The following MBD5 variants were observed in gnomAD, a reference collection of about 807,000 sequenced individuals.
MBD5 encodes methyl-CpG-binding domain protein 5.
MBD5 carries 13 observed loss-of-function variants against 117.3 expected under a neutral mutation model. The ratio of observed to expected loss-of-function variants is 0.11; its 90% confidence interval spans 0.07 to 0.18. The LOEUF is 0.18. Among genes scored for constraint, MBD5 ranks in the 10% least tolerant of loss-of-function variants. MBD5 has a pLI of 1.00. For synonymous variants in MBD5, 727 were observed against 766.4 expected (o/e 0.95, Z 0.85); for missense variants, 1,879 against 2,093.8 (o/e 0.90, Z 2.00).
chr2:148,420,376 T>TC (rs1705564250), intron 4 of MBD5, among the ~76,000 whole-genome samples: 1 of 152,182 alleles, frequency 6.6e-6, no homozygotes, highest in South Asian at 2.1e-4. Flanking sequence ...CTGTCTTTTG[T>TC]CCCCCAACTT....
intron 1 of MBD5, among the ~76,000 whole-genome samples, chr2:148,029,493 G>A (rs1693980525): frequency 6.6e-6 from 1 of 152,140 alleles, no homozygotes; most frequent in Non-Finnish European, 1.5e-5. Flanking sequence ...AAGGAGTCTA[G>A]TCCCACATAA....
At chr2:148,228,159 T>C (rs1266609817) in intron 2 of MBD5, among the ~76,000 whole-genome samples, 3 of 151,952 alleles carry the variant, frequency 2.0e-5, no homozygotes, top group Non-Finnish European at 4.4e-5. Flanking sequence ...TGAATAGGAG[T>C]GGTGAGAGAG....
intron 3 of MBD5, among the ~76,000 whole-genome samples, chr2:148,259,201 G>T (rs145318845): frequency 5.9e-5 from 9 of 152,272 alleles, no homozygotes; most frequent in Non-Finnish European, 1.3e-4. Context: ...CTCAATCAGG[G>T]TGTGGTCACC....
chr2:148,197,419 C>CA (rs1327983445), intron 2 of MBD5, among the ~76,000 whole-genome samples: 1 of 151,804 alleles, frequency 6.6e-6, no homozygotes, highest in Non-Finnish European at 1.5e-5. Context: ...TTAATTAGGA[C>CA]AAAAAAAGGT....
intron 4 of MBD5, among the ~76,000 whole-genome samples, chr2:148,386,061 G>A (rs1177827079): frequency 1.3e-5 from 2 of 151,568 alleles, no homozygotes; most frequent in African/African-American, 2.4e-5. Context: ...GTATACATAT[G>A]TAACAAACCT....
At position 148,260,390 on chromosome 2, in the gene MBD5, T is replaced by G. The variant is rs1484644772; in HGVS notation, c.-680+26995T>G. ...GACATTGCAGCAATTCAGTCACATC[T>G]GCAGTCTCCACTTCTAATTAGAGAT... On this transcript the variant is annotated intron_variant, in intron 3 of 13. Coordinates refer to ENST00000642680, the MANE Select transcript of MBD5 (RefSeq NM_001378120.1). 7.2e-5 allele frequency among the ~76,000 whole-genome samples: 11 copies of G among 152,362 alleles called. No individual in the cohort carries two copies. The South Asian group carries it at 2.3e-3, about 32-fold the overall frequency.
intron 3 of MBD5, among the ~76,000 whole-genome samples, chr2:148,248,576 A>G (rs925194688): frequency 2.0e-5 from 3 of 152,122 alleles, no homozygotes; most frequent in Non-Finnish European, 4.4e-5. Flanking sequence ...AGTGTCAGAA[A>G]CTATATTCCA....
intron 3 of MBD5, among the ~76,000 whole-genome samples, chr2:148,283,461 A>G (rs562756648): frequency 6.6e-6 from 1 of 152,204 alleles, no homozygotes; most frequent in South Asian, 2.1e-4. Context: ...TCTTTCAGTC[A>G]CAGCATACAA....
chr2:148,256,017 C>T (rs574948920), intron 3 of MBD5, among the ~76,000 whole-genome samples: 2 of 152,360 alleles, frequency 1.3e-5, no homozygotes, highest in East Asian at 3.9e-4. Flanking sequence ...AGGTGAACAA[C>T]AGGCCTGTGG....
Position 148,489,793 on chromosome 2 carries a change from T to C in MBD5, c.4161T>C (p.His1387=), listed in dbSNP as rs748321288. 1.4e-5 allele frequency: 23 copies of C among 1,614,044 alleles called. No homozygotes were observed. In the South Asian group the frequency reaches 2.3e-4, roughly 16 times the overall value. The change falls in exon 11 of 14, where the codon CAT becomes CAC. Residue 1387 remains histidine (H), a synonymous_variant. Coordinates refer to ENST00000642680, the MANE Select transcript of MBD5 (RefSeq NM_001378120.1). ...GACGGAACATGGGAGGTGTTGATCATGATGGTAGGCTGAGGAATTCAAGAG... is the reference window on the plus strand; with the variant it reads ...GACGGAACATGGGAGGTGTTGATCACGATGGTAGGCTGAGGAATTCAAGAG... ...IHGRNMGGVD[H]DGRLRNSRGA... is the part of the protein sequence containing the mutation.
chr2:148,152,758 C>G (rs1453142622), intron 1 of MBD5, among the ~76,000 whole-genome samples: 1 of 150,768 alleles, frequency 6.6e-6, no homozygotes, highest in African/African-American at 2.4e-5. Context: ...ACTAGGATTG[C>G]AACCCCTGCC....
intron 1 of MBD5, chr2:148,041,143 C>T (rs1694347802): frequency 6.6e-6 from 1 of 152,122 alleles, no homozygotes; most frequent in Non-Finnish European, 1.5e-5. Context: ...CAGCCAGTAT[C>T]GAGAATTACT....
intron 1 of MBD5, among the ~76,000 whole-genome samples, chr2:148,047,314 A>T (rs1424101054): frequency 6.6e-6 from 1 of 152,238 alleles, no homozygotes; most frequent in Non-Finnish European, 1.5e-5. Flanking sequence ...GCCATAACTA[A>T]GACCATGACC....
intron 1 of MBD5, among the ~76,000 whole-genome samples, chr2:148,143,849 T>C (rs1035251115): frequency 6.6e-6 from 1 of 152,082 alleles, no homozygotes; most frequent in African/African-American, 2.4e-5. Flanking sequence ...ATCCAGTCTA[T>C]CATTGATGGA....
In MBD5 at chr2:148,515,044, G is replaced by A. The variant is rs1363981667; in HGVS notation, c.*2103G>A. The A allele has an allele frequency of 6.6e-6, 1 of 152,180 alleles. No homozygotes were observed. Among genetic ancestry groups the A allele is most frequent in the Non-Finnish European group, 1.5e-5 (1 of 68,034 alleles). The allele number at this position is 152,180 out of a possible 1,614,324, so 9.4% of individuals were successfully genotyped here. A position where few individuals can be genotyped will look rare whatever the true frequency, so the allele number is the denominator to read the frequency against. On this transcript the variant is annotated 3_prime_UTR_variant, in exon 14 of 14. Coordinates refer to ENST00000642680, the MANE Select transcript of MBD5 (RefSeq NM_001378120.1). ...GTTGACACATGTTTATAAGTTAAAA[G>A]TTGATGTGGCTAGTATGTTTAAACC...
chr2:148,165,399 A>C (rs1371994449), intron 1 of MBD5, among the ~76,000 whole-genome samples: 2 of 152,072 alleles, frequency 1.3e-5, no homozygotes, highest in Non-Finnish European at 2.9e-5. Context: ...AATTTCTCCA[A>C]TTTAACCCAA....
intron 1 of MBD5, among the ~76,000 whole-genome samples, chr2:148,114,245 C>T (rs544355220): frequency 9.7e-4 from 147 of 152,146 alleles, no homozygotes; most frequent in Middle Eastern, 3.4e-3. Context: ...CCAAGGCAGG[C>T]GGGATCACAA....
chr2:148,114,176 G>C (rs1696565949), intron 1 of MBD5, among the ~76,000 whole-genome samples: 1 of 152,114 alleles, frequency 6.6e-6, no homozygotes, highest in Non-Finnish European at 1.5e-5. Context: ...GCTAGGTAAA[G>C]AGTATTCCCA....
intron 1 of MBD5, among the ~76,000 whole-genome samples, chr2:148,143,332 A>G (rs1416640809): frequency 6.6e-6 from 1 of 152,214 alleles, no homozygotes; most frequent in Non-Finnish European, 1.5e-5. Context: ...GAGAAAAAAG[A>G]CAGAAAAGTT....
Sources: gnomAD v4.1 joint callset for allele counts (sites outside exome capture counted in the v4.1 genomes callset) on GRCh38, gnomAD v4.1.1 for gene constraint, MANE v1.5 for transcripts, NCBI Gene and HGNC (gene_info 2026-07-23, HGNC 2026-07-21) for gene names.